Variants in LTA4H observed in about 807,000 individuals in gnomAD.
LTA4H encodes the protein leukotriene A4 hydrolase, also known as leukotriene A-4 hydrolase.
Under a neutral mutation model 89.8 loss-of-function variants are expected in LTA4H, and 59 were observed. The observed-to-expected ratio is 0.66, with a 90% confidence interval of 0.53 to 0.82. The LOEUF is 0.82. LTA4H is among the 40% of genes least tolerant of loss of function. The pLI is 0.00. For synonymous variants in LTA4H, 227 were observed against 253.1 expected, an observed-to-expected ratio of 0.90 and a Z score of 0.98; for missense variants, 617 against 727.0, an observed-to-expected ratio of 0.85 and a Z score of 1.74.
chr12:96,039,034 A>C (rs945485317), upstream of LTA4H, among the ~76,000 whole-genome samples: 1 of 152,050 alleles, frequency 6.6e-6, no homozygotes, highest in African/African-American at 2.4e-5. Flanking sequence ...AGTATTATTG[A>C]TATCCAATGG....
upstream of LTA4H, among the ~76,000 whole-genome samples, chr12:96,036,147 G>A (rs1430577384): frequency 6.6e-6 from 1 of 152,224 alleles, no homozygotes; most frequent in Non-Finnish European, 1.5e-5. Flanking sequence ...TTAAACAGTT[G>A]TTTTGTCAGT....
intron 1 of LTA4H, among the ~76,000 whole-genome samples, chr12:96,030,681 C>G (rs1950562426): frequency 6.6e-6 from 1 of 152,196 alleles, no homozygotes; most frequent in South Asian, 2.1e-4. Context: ...GAACTGCTTT[C>G]TACCAGATCT....
intron 6 of LTA4H, 189 bp downstream of exon 6, chr12:96,020,896 G>T (rs978021650): frequency 1.9e-6 from 1 of 513,756 alleles, no homozygotes; most frequent in Non-Finnish European, 3.5e-6. Context: ...AAAAAATAAG[G>T]GGTAACTGGT....
chr12:96,031,793 T>A (rs1217149269), intron 1 of LTA4H, among the ~76,000 whole-genome samples: 2 of 152,232 alleles, frequency 1.3e-5, no homozygotes, highest in Admixed American at 6.5e-5. Context: ...AATTATTTAA[T>A]TATTTTTAAT....
chr12:96,040,318 A>C (rs930124802), upstream of LTA4H, among the ~76,000 whole-genome samples: 1 of 152,164 alleles, frequency 6.6e-6, no homozygotes, highest in Non-Finnish European at 1.5e-5. Flanking sequence ...TCCAGGTTAT[A>C]CATCTGGCAT....
intron 1 of LTA4H, among the ~76,000 whole-genome samples, chr12:96,042,546 T>C (rs1220746917): frequency 6.6e-6 from 1 of 152,132 alleles, no homozygotes; most frequent in Non-Finnish European, 1.5e-5. Flanking sequence ...TTAGATTAAT[T>C]TACTGACGCT....
At chr12:96,024,868 A>G (rs1374939458) in intron 3 of LTA4H, among the ~76,000 whole-genome samples, 1 of 152,098 alleles carries the variant, frequency 6.6e-6, no homozygotes, top group African/African-American at 2.4e-5. Context: ...GGGTTTCTCC[A>G]TGTTGATCAG....
chr12:96,028,939 G>T, intron 2 of LTA4H, 116 bp downstream of exon 2: 1 of 758,248 alleles, frequency 1.3e-6, no homozygotes, highest in East Asian at 3.1e-5. Context: ...GATAAGTAGT[G>T]TACCAATCAT....
At chr12:96,033,077 C>T (rs1318255665) in intron 1 of LTA4H, among the ~76,000 whole-genome samples, 1 of 152,110 alleles carries the variant, frequency 6.6e-6, no homozygotes, top group East Asian at 1.9e-4. Flanking sequence ...TGTAACAAAC[C>T]TGCACATTTG....
In LTA4H at chr12:96,000,878, A is replaced by G. The variant is rs1950088364; in HGVS notation, c.*111T>C. The G allele has an allele frequency of 1.3e-6, 1 of 749,880 alleles. No homozygotes were observed. The highest frequency in any genetic ancestry group is 2.4e-5 in the Admixed American group (1 of 42,104). The allele number at this position is 749,880 out of a possible 1,614,324, so 46.5% of individuals were successfully genotyped here. A position where few individuals can be genotyped will look rare whatever the true frequency, so the allele number is the denominator to read the frequency against. The stretch of plus-strand genomic sequence containing the variant: ...TTTCAGTAAAATCACCAACAAAACA[A>G]TAAAAAGCCAAAACTAAAAAGACAG... On this transcript the variant is annotated 3_prime_UTR_variant, in exon 19 of 19. Transcript: ENST00000228740.
intron 1 of LTA4H, 93 bp downstream of exon 1, chr12:96,035,267 CG>C: frequency 7.5e-7 from 1 of 1,333,982 alleles, no homozygotes; most frequent in Non-Finnish European, 1.0e-6. Flanking sequence ...GGGGCCGCGG[CG>C]GGGTGAGCCG....
intron 11 of LTA4H, 51 bp from the exon 12 acceptor site, chr12:96,015,050 C>T: frequency 6.4e-7 from 1 of 1,555,122 alleles, no homozygotes; most frequent in African/African-American, 1.4e-5. Flanking sequence ...CTGCTATCAC[C>T]ACGCAAATAA....
In LTA4H at chr12:96,002,100, G is replaced by A. The variant is rs148030084; in HGVS notation, c.1718+860C>T. Among the ~76,000 whole-genome samples the A allele has an allele frequency of 5.1e-3, 777 of 152,190 alleles. 3 individuals carry two copies. The highest frequency in any genetic ancestry group is 0.018 in the African/African-American group (749 of 41,518). ...TCTCAAACTCCTGACCTCGTGATCT[G>A]CCTGCCTTGGCCTCCCAAAGTGCTG... On this transcript the variant is annotated intron_variant, in intron 18 of 18. Transcript: ENST00000228740.
At position 96,001,576 on chromosome 12, in the gene LTA4H, TA is replaced by T. The variant is rs560044251; in HGVS notation, c.1719-471del. On this transcript the variant is annotated intron_variant, in intron 18 of 18. Coordinates refer to ENST00000228740, the MANE Select transcript of LTA4H (RefSeq NM_000895.3). ...AGCCTTTCTTTTTAAAAACTGCTTT[TA>T]AAAAAAATTTTTTAATCAAGATTTT... Among the ~76,000 whole-genome samples, 23 of 152,256 alleles carry T rather than the reference TA, an allele frequency of 1.5e-4. No homozygotes were observed. In the South Asian group the frequency reaches 4.6e-3, roughly 30 times the overall value.
chr12:96,017,218 C>A, intron 9 of LTA4H, 104 bp from the exon 10 acceptor site: 2 of 828,918 alleles, frequency 2.4e-6, no homozygotes, highest in South Asian at 3.2e-5. Flanking sequence ...AAAATATTAG[C>A]TGAGATATTC....
chr12:96,007,191 A>G (rs1024759709), intron 15 of LTA4H, among the ~76,000 whole-genome samples: 5 of 152,178 alleles, frequency 3.3e-5, no homozygotes, highest in Non-Finnish European at 7.4e-5. Flanking sequence ...ATAGGTATAT[A>G]CCCTTTTAAA....
chr12:96,007,657 C>A (rs902070589), intron 15 of LTA4H, among the ~76,000 whole-genome samples: 10 of 152,170 alleles, frequency 6.6e-5, no homozygotes, highest in Non-Finnish European at 1.2e-4. Flanking sequence ...CTGTTCCTAA[C>A]AATGCCTGTT....
intron 12 of LTA4H, 136 bp from the exon 13 acceptor site, chr12:96,013,989 A>G: frequency 1.8e-6 from 1 of 544,552 alleles, no homozygotes; most frequent in East Asian, 3.2e-5. Context: ...GAGGACTTTC[A>G]GAGTGAAAGA....
upstream of LTA4H, chr12:96,035,725 G>T: frequency 7.5e-7 from 1 of 1,338,950 alleles, no homozygotes; most frequent in Non-Finnish European, 9.7e-7. Flanking sequence ...CGCGCGGCAA[G>T]CGGGCGCTTG....
Sources: allele counts gnomAD v4.1 joint callset (sites outside exome capture counted in the v4.1 genomes callset), GRCh38; gene constraint gnomAD v4.1.1; transcripts MANE v1.5; gene names NCBI Gene and HGNC (gene_info 2026-07-23, HGNC 2026-07-21).